CMIP: variants seen among roughly 807,000 people sequenced by gnomAD.
The protein encoded by CMIP is C-Maf-inducing protein.
CMIP carries 13 observed loss-of-function variants against 97.3 expected under a neutral mutation model. That is an observed-to-expected ratio of 0.13 (90% CI 0.09 to 0.21). The LOEUF (loss-of-function observed/expected upper bound fraction) is 0.21. CMIP is among the 10% of genes least tolerant of loss of function. The probability of loss-of-function intolerance (pLI) is 1.00; values close to 1 mark genes in which losing one functional copy is unlikely to be tolerated. For missense variants in CMIP, 847 were observed against 1,024.9 expected (o/e 0.83, Z 2.37); for synonymous variants, 538 against 436.3 (o/e 1.23, Z -2.91).
chr16:81,573,493 C>T (rs756216497), intron 1 of CMIP, among the ~76,000 whole-genome samples: 4 of 152,150 alleles, frequency 2.6e-5, no homozygotes, highest in Non-Finnish European at 2.9e-5. Context: ...AGAGGAATTC[C>T]ACCTTTGGCC....
In CMIP at chr16:81,614,764, T is replaced by C. The variant is rs1333898025; in HGVS notation, c.427-6112T>C. 6.6e-6 allele frequency among the ~76,000 whole-genome samples: 1 copy of C among 151,596 alleles called. No homozygotes were observed. Among genetic ancestry groups the C allele is most frequent in the Non-Finnish European group, 1.5e-5 (1 of 67,874 alleles). On this transcript the variant is annotated intron_variant, in intron 2 of 20. Transcript: ENST00000537098. The surrounding 1 kb of genome is among the most constrained non-coding windows in gnomAD (Gnocchi z 5.3). ...GTGAGTGTGTATGTGTCTATGTCTG[T>C]GGTGTGTGTGGTATGTGTGCATGTG... is the stretch of plus-strand genomic sequence containing the variant.
At chr16:81,510,498 G>A (rs2089790630) in intron 1 of CMIP, among the ~76,000 whole-genome samples, 1 of 152,166 alleles carries the variant, frequency 6.6e-6, no homozygotes, top group South Asian at 2.1e-4. Flanking sequence ...TTTAGGAGGT[G>A]AGTAAACTGA....
chr16:81,594,650 G>T (rs2091522076), intron 1 of CMIP, among the ~76,000 whole-genome samples: 1 of 152,000 alleles, frequency 6.6e-6, no homozygotes, highest in African/African-American at 2.4e-5. Context: ...GTCTCGCTCT[G>T]TTCCCCAGGC....
intron 1 of CMIP, among the ~76,000 whole-genome samples, chr16:81,524,462 T>C (rs1439256123): frequency 3.9e-5 from 6 of 152,240 alleles, no homozygotes; most frequent in Admixed American, 3.3e-4. Flanking sequence ...ATCTGTAACG[T>C]GTTAGCCACA....
At chr16:81,604,160 G>A (rs568186859) in intron 1 of CMIP, among the ~76,000 whole-genome samples, 4 of 152,230 alleles carry the variant, frequency 2.6e-5, no homozygotes, top group East Asian at 1.9e-4. Context: ...TTGGGAGGCC[G>A]AGGCAGGAGG....
At chr16:81,513,190 T>C (rs1254929646) in intron 1 of CMIP, among the ~76,000 whole-genome samples, 1 of 151,772 alleles carries the variant, frequency 6.6e-6, no homozygotes, top group East Asian at 1.9e-4. Flanking sequence ...GTTGGAAGAT[T>C]CTCCCCCTAG....
intron 1 of CMIP, among the ~76,000 whole-genome samples, chr16:81,561,430 G>T (rs147174237): frequency 1.3e-5 from 2 of 152,338 alleles, no homozygotes; most frequent in Middle Eastern, 3.4e-3. Flanking sequence ...GTGTGGTGGA[G>T]GGAAGGGTAG....
intron 9 of CMIP, among the ~76,000 whole-genome samples, chr16:81,675,370 ATTTTTTT>A (rs35314200): frequency 3.2e-5 from 4 of 123,378 alleles, no homozygotes; most frequent in African/African-American, 9.0e-5. Context: ...CACCTGGCTA[ATTTTTTT>A]TTTTTTTTTT....
intron 8 of CMIP, among the ~76,000 whole-genome samples, chr16:81,670,898 G>A (rs976062842): frequency 7.8e-4 from 118 of 152,148 alleles, no homozygotes; most frequent in African/African-American, 2.6e-3. Flanking sequence ...GCTCAGTCTC[G>A]GCTTACTGCA....
rs117400233 is a variant in CMIP at position 81,643,479 on chromosome 16, G to T, written c.478-8724G>T. On this transcript the variant is annotated intron_variant, in intron 3 of 20. Coordinates refer to ENST00000537098, the MANE Select transcript of CMIP (RefSeq NM_198390.3). ...ACACAACACTGTGCTAAACGCCGCT[G>T]AAGTGTTCACTGTAAATGGGTACAT... Among the ~76,000 whole-genome samples, 3 of 152,316 alleles carry T rather than the reference G, an allele frequency of 2.0e-5. No individual in the cohort carries two copies. In the East Asian group the frequency reaches 5.8e-4, roughly 29 times the overall value.
intron 3 of CMIP, chr16:81,631,285 C>G (rs1382537976): frequency 1.3e-5 from 2 of 152,390 alleles, no homozygotes; most frequent in East Asian, 1.9e-4. Context: ...CAGGATCACA[C>G]AGCTAGAGAC....
intron 1 of CMIP, among the ~76,000 whole-genome samples, chr16:81,517,124 C>T (rs4889328): frequency 3.7e-4 from 50 of 136,916 alleles, no homozygotes; most frequent in Admixed American, 1.8e-3. Context: ...AGGTCTTCAG[C>T]GAAAAACCAG....
intron 1 of CMIP, among the ~76,000 whole-genome samples, chr16:81,554,428 G>T (rs2090720946): frequency 6.6e-6 from 1 of 152,216 alleles, no homozygotes; most frequent in Non-Finnish European, 1.5e-5. Context: ...TCTCAGAACT[G>T]TGTGCCCTGG....
intron 1 of CMIP, among the ~76,000 whole-genome samples, chr16:81,525,383 TC>T (rs1395478474): frequency 6.6e-6 from 1 of 152,144 alleles, no homozygotes; most frequent in African/African-American, 2.4e-5. Flanking sequence ...CCTCAGGTGA[TC>T]CGTGCATCTC....
intron 1 of CMIP, among the ~76,000 whole-genome samples, chr16:81,595,969 C>G (rs1037647403): frequency 6.6e-6 from 1 of 152,154 alleles, no homozygotes; most frequent in African/African-American, 2.4e-5. Flanking sequence ...AAAAAGCTGC[C>G]TGCATCATTT....
At chr16:81,450,815 A>G (rs1401176994) in intron 1 of CMIP, among the ~76,000 whole-genome samples, 1 of 152,226 alleles carries the variant, frequency 6.6e-6, no homozygotes, top group Admixed American at 6.5e-5. Context: ...TGATTAGTAT[A>G]ACAAGGTGTT....
rs564170591 is a variant in CMIP, at chr16:81,606,986, G to A, written c.301-581G>A. 1.5e-4 allele frequency: 24 copies of A among 155,184 alleles called. No individual in the cohort carries two copies. The Middle Eastern group carries it at 2.6e-3, about 17-fold the overall frequency. The allele number at this position is 155,184 out of a possible 1,614,324, so 9.6% of individuals were successfully genotyped here. A position where few individuals can be genotyped will look rare whatever the true frequency, so the allele number is the denominator to read the frequency against. ...AGTGTGGAAAGGGAGAGATGCCGCC[G>A]AGAGGCGGGACTGGGCGCATAGGGA... On this transcript the variant is annotated intron_variant, in intron 1 of 20. Transcript: ENST00000537098.
At chr16:81,477,898 G>A (rs572459030) in intron 1 of CMIP, among the ~76,000 whole-genome samples, 6 of 152,366 alleles carry the variant, frequency 3.9e-5, no homozygotes, top group East Asian at 3.9e-4. Context: ...GAGTGGCAGG[G>A]GAGTGGAAAA....
chr16:81,641,991 A>G (rs996108548), intron 3 of CMIP, among the ~76,000 whole-genome samples: 1 of 152,232 alleles, frequency 6.6e-6, no homozygotes, highest in Non-Finnish European at 1.5e-5. Context: ...CATCTGTAAA[A>G]TGGGACTTAC....
Sources: allele counts gnomAD v4.1 joint callset (sites outside exome capture counted in the v4.1 genomes callset), GRCh38; gene constraint gnomAD v4.1.1; non-coding constraint Gnocchi (gnomAD v3.1); transcripts MANE v1.5; gene names NCBI Gene and HGNC (gene_info 2026-07-23, HGNC 2026-07-21).